The following DOCK3 variants were observed in gnomAD, a reference collection of about 807,000 sequenced individuals.
The protein encoded by DOCK3 is dedicator of cytokinesis 3.
A neutral mutation model predicts 265.6 loss-of-function variants in DOCK3; 60 were observed. That is an observed-to-expected ratio of 0.23 (90% confidence interval 0.18 to 0.28). DOCK3 has a LOEUF of 0.28. DOCK3 is among the 10% of genes least tolerant of loss of function. DOCK3 has a pLI of 1.00. For missense variants in DOCK3, 1,981 were observed against 2,594.3 expected (o/e 0.76, Z 5.14); for synonymous variants, 881 against 938.0 (o/e 0.94, Z 1.11).
chr3:50,934,220 G>A, intron 5 of DOCK3, 143 bp downstream of exon 5: 2 of 620,494 alleles, frequency 3.2e-6, no homozygotes, highest in Non-Finnish European at 5.3e-6. Context: ...CTGAAACATA[G>A]CAGACTGAGT....
At chr3:50,691,615 T>C (rs1043761610) in intron 1 of DOCK3, among the ~76,000 whole-genome samples, 5 of 152,208 alleles carry the variant, frequency 3.3e-5, no homozygotes, top group African/African-American at 9.7e-5. Flanking sequence ...GATAATTCTG[T>C]CTTTAGTGTT....
chr3:51,149,137 C>T (rs1243426592), intron 10 of DOCK3, among the ~76,000 whole-genome samples: 1 of 151,836 alleles, frequency 6.6e-6, no homozygotes, highest in African/African-American at 2.4e-5. Context: ...TGATTTGGCT[C>T]TCTGTCTGTT....
intron 1 of DOCK3, among the ~76,000 whole-genome samples, chr3:50,753,785 T>A (rs950665673): frequency 6.6e-6 from 1 of 152,226 alleles, no homozygotes; most frequent in Non-Finnish European, 1.5e-5. Flanking sequence ...AAAGTACTTC[T>A]GATGATGGTT....
rs1355028081 is a variant in DOCK3, at chr3:50,834,845, A to G, written c.122-6830A>G. 3.9e-5 allele frequency among the ~76,000 whole-genome samples: 6 copies of G among 152,174 alleles called. 1 individual carries two copies. Among genetic ancestry groups the G allele is most frequent in the African/African-American group, 1.4e-4 (6 of 41,452 alleles). On this transcript the variant is annotated intron_variant, in intron 2 of 52. Transcript: ENST00000266037. ...TGTGGTTATTCAAAAGGGGCAAACA[A>G]AAATCCTTCTTTTTATTAAATGTAA... is the stretch of plus-strand genomic sequence containing the variant.
intron 1 of DOCK3, among the ~76,000 whole-genome samples, chr3:50,747,280 T>G (rs2039507268): frequency 6.6e-6 from 1 of 152,164 alleles, no homozygotes; most frequent in Non-Finnish European, 1.5e-5. Context: ...CTTTTCAGAG[T>G]TGTCTTGGCT....
chr3:51,107,346 C>G (rs2083322912), intron 9 of DOCK3, among the ~76,000 whole-genome samples: 1 of 152,154 alleles, frequency 6.6e-6, no homozygotes, highest in African/African-American at 2.4e-5. Flanking sequence ...AACAAGGGTT[C>G]TTAACTGGGC....
chr3:50,769,075 A>ATT (rs11334129), intron 1 of DOCK3, among the ~76,000 whole-genome samples: 2 of 147,190 alleles, frequency 1.4e-5, no homozygotes, highest in African/African-American at 2.5e-5. Context: ...TATTAATTGG[A>ATT]TTTTTTTTTT....
intron 5 of DOCK3, among the ~76,000 whole-genome samples, chr3:50,937,940 T>C (rs1430201476): frequency 6.6e-6 from 1 of 151,940 alleles, no homozygotes; most frequent in East Asian, 1.9e-4. Flanking sequence ...AGCAGAATTG[T>C]ACAATTAAAA....
chr3:50,816,801 CT>C (rs2044103462), intron 2 of DOCK3, among the ~76,000 whole-genome samples: 1 of 151,598 alleles, frequency 6.6e-6, no homozygotes, highest in Non-Finnish European at 1.5e-5. Context: ...CATTTCTTTT[CT>C]TTCTTCTTTA....
chr3:50,865,138 G>A (rs1445204459), intron 3 of DOCK3, among the ~76,000 whole-genome samples: 2 of 152,062 alleles, frequency 1.3e-5, no homozygotes, highest in Non-Finnish European at 2.9e-5. Flanking sequence ...TTTATCTTTT[G>A]TGTTACCAAC....
chr3:51,144,082 G>A (rs59019902), intron 9 of DOCK3, among the ~76,000 whole-genome samples: 6,939 of 152,032 alleles, frequency 0.046, 575 homozygotes, highest in African/African-American at 0.16. Context: ...GGATTGTTCA[G>A]CACCATTTGC....
intron 24 of DOCK3, 40 bp from the exon 25 acceptor site, chr3:51,275,039 T>G: frequency 6.2e-7 from 1 of 1,613,554 alleles, no homozygotes; most frequent in Non-Finnish European, 8.5e-7. Flanking sequence ...TAGCTAGTTC[T>G]CCTCTAAAGT....
At chr3:50,937,822 T>TA (rs1204728569) in intron 5 of DOCK3, among the ~76,000 whole-genome samples, 1 of 150,046 alleles carries the variant, frequency 6.7e-6, no homozygotes, top group Non-Finnish European at 1.5e-5. Flanking sequence ...TACAGAAAAA[T>TA]AAGAAAGGGG....
In DOCK3 at chr3:51,312,920, A is replaced by T. The variant is rs368826403; in HGVS notation, c.3253+18A>T. On this transcript the variant is annotated intron_variant, in intron 31 of 52. Transcript: ENST00000266037. Reference sequence around the variant, plus strand: ...GAATTTGGGTAGGTTTTTTCTCCCTATTCTTCCCTTCTATATATTGCATAG... The same window carrying T: ...GAATTTGGGTAGGTTTTTTCTCCCTTTTCTTCCCTTCTATATATTGCATAG... The T allele has an allele frequency of 1.9e-6, 3 of 1,592,454 alleles. No homozygotes were observed. Among genetic ancestry groups the T allele is most frequent in the South Asian group, 2.3e-5 (2 of 87,746 alleles).
At chr3:51,117,811 C>A (rs1283069359) in intron 9 of DOCK3, among the ~76,000 whole-genome samples, 4 of 151,974 alleles carry the variant, frequency 2.6e-5, no homozygotes, top group African/African-American at 9.7e-5. Context: ...GGTGATCAAC[C>A]CTTTATAATT....
At chr3:50,959,388 A>G (rs2076820679) in intron 5 of DOCK3, among the ~76,000 whole-genome samples, 1 of 151,906 alleles carries the variant, frequency 6.6e-6, no homozygotes, top group South Asian at 2.1e-4. Context: ...TTCCCAGTAT[A>G]AAATACAGTA....
In DOCK3 at chr3:51,021,666, T is replaced by TTTTTC. The variant is rs747697184; in HGVS notation, c.316-42778_316-42777insCTTTT. 2.4e-3 allele frequency among the ~76,000 whole-genome samples: 365 copies of TTTTTC among 150,848 alleles called. 14 individuals carry two copies. The East Asian group carries it at 0.06, about 25-fold the overall frequency. On this transcript the variant is annotated intron_variant, in intron 5 of 52. Transcript: ENST00000266037. The stretch of plus-strand genomic sequence containing the variant: ...ATAATTTCTGGGAGAACTTCCTTTT[T>TTTTTC]TTTTTTTCTTTTTGAGACGGAGTCT...
At chr3:50,862,682 C>T (rs1240293157) in intron 3 of DOCK3, among the ~76,000 whole-genome samples, 1 of 152,136 alleles carries the variant, frequency 6.6e-6, no homozygotes, top group East Asian at 1.9e-4. Context: ...CTGGATATGC[C>T]CTTCTCATGG....
chr3:50,889,002 C>T (rs1374466552), intron 3 of DOCK3, among the ~76,000 whole-genome samples: 3 of 150,330 alleles, frequency 2.0e-5, no homozygotes, highest in African/African-American at 7.4e-5. Context: ...TTGCTTATAG[C>T]CTTCATTTGG....
Sources: gnomAD v4.1 joint callset for allele counts (sites outside exome capture counted in the v4.1 genomes callset) on GRCh38, gnomAD v4.1.1 for gene constraint, MANE v1.5 for transcripts, NCBI Gene and HGNC (gene_info 2026-07-23, HGNC 2026-07-21) for gene names.